SBF2: variants seen among roughly 807,000 people sequenced by gnomAD.
The protein encoded by SBF2 is myotubularin-related protein 13.
SBF2 carries 112 observed loss-of-function variants against 225.2 expected under a neutral mutation model. That is an observed-to-expected ratio of 0.50 (90% CI 0.43 to 0.58). SBF2 has a LOEUF of 0.58. Ranked by LOEUF, SBF2 falls within the 20% of genes least tolerant of loss-of-function variation. The probability of loss-of-function intolerance (pLI) is 0.00; values close to 1 mark genes in which losing one functional copy is unlikely to be tolerated. For synonymous variants in SBF2, 763 were observed against 773.3 expected, an observed-to-expected ratio of 0.99 and a Z score of 0.22; for missense variants, 1,996 against 2,206.2, an observed-to-expected ratio of 0.90 and a Z score of 1.91.
Position 9,962,034 on chromosome 11 carries a change from G to A in SBF2, c.1783C>T (p.His595Tyr). The change falls in exon 16 of 40, where the codon CAT becomes TAT. Residue 595 changes from histidine to tyrosine, a missense_variant. By Grantham distance (83) the His-to-Tyr change is moderately conservative. Transcript: ENST00000256190. ...RQCLTDELGL[H>Y]VQQNRAILDH... The stretch of plus-strand genomic sequence containing the variant: ...AATATTGCCCGGTTTTGCTGGACAT[G>A]CAAACCCAATTCATCAGTGAGACAC... 1.1e-5 allele frequency: 17 copies of A among 1,613,928 alleles called. No individual in the cohort carries two copies. Among genetic ancestry groups the A allele is most frequent in the Non-Finnish European group, 1.4e-5 (17 of 1,179,854 alleles).
At chr11:9,893,531 C>G (rs1328600125) in intron 17 of SBF2, among the ~76,000 whole-genome samples, 1 of 152,230 alleles carries the variant, frequency 6.6e-6, no homozygotes, top group Non-Finnish European at 1.5e-5. Context: ...CTCCTTCTTG[C>G]TCCTGTGGTA....
At chr11:9,949,409 A>G (rs916285700) in intron 16 of SBF2, among the ~76,000 whole-genome samples, 1 of 152,132 alleles carries the variant, frequency 6.6e-6, no homozygotes, top group Non-Finnish European at 1.5e-5. Context: ...AATGCATATA[A>G]AGTTTCTTCA....
chr11:10,058,865 A>G (rs1950340924), intron 2 of SBF2, among the ~76,000 whole-genome samples: 1 of 152,196 alleles, frequency 6.6e-6, no homozygotes, highest in Non-Finnish European at 1.5e-5. Context: ...CAACATTAAT[A>G]AAGAAAAAAA....
chr11:9,921,980 T>C (rs898251261), intron 16 of SBF2, among the ~76,000 whole-genome samples: 35 of 152,308 alleles, frequency 2.3e-4, no homozygotes, highest in African/African-American at 8.2e-4. Context: ...GCATGGTAGT[T>C]CATGTCTGTA....
At chr11:9,880,084 T>TGAA (rs1859622248) in intron 17 of SBF2, among the ~76,000 whole-genome samples, 1 of 51,994 alleles carries the variant, frequency 1.9e-5, no homozygotes, top group African/African-American at 7.6e-5. Flanking sequence ...CTCTGTCTCA[T>TGAA]AAAAAAAAAA....
At chr11:9,833,495 A>C (rs1209085201) in intron 26 of SBF2, among the ~76,000 whole-genome samples, 1 of 140,558 alleles carries the variant, frequency 7.1e-6, no homozygotes, top group African/African-American at 2.7e-5. Flanking sequence ...ATCTCGGCCC[A>C]TTGCAAGCTC....
intron 14 of SBF2, among the ~76,000 whole-genome samples, chr11:9,964,828 A>G (rs1014713307): frequency 3.9e-5 from 6 of 152,228 alleles, no homozygotes; most frequent in African/African-American, 1.4e-4. Flanking sequence ...TACTTTCACA[A>G]AGAACTATAC....
intron 16 of SBF2, among the ~76,000 whole-genome samples, chr11:9,918,888 G>A (rs1267955886): frequency 2.0e-5 from 3 of 151,904 alleles, no homozygotes. Context: ...ACAGGCGCCT[G>A]CCACCACGCC....
chr11:9,940,052 A>G (rs1565035036), intron 16 of SBF2, among the ~76,000 whole-genome samples: 1 of 152,082 alleles, frequency 6.6e-6, no homozygotes, highest in Non-Finnish European at 1.5e-5. Flanking sequence ...CATTACTATT[A>G]ATGATATTGT....
At chr11:10,203,284 G>A (rs1957632139) in intron 1 of SBF2, among the ~76,000 whole-genome samples, 2 of 152,168 alleles carry the variant, frequency 1.3e-5, no homozygotes, top group Admixed American at 1.3e-4. Context: ...AATCACACAA[G>A]GCCAGGGACT....
chr11:9,988,778 C>T (rs753731568), intron 13 of SBF2, among the ~76,000 whole-genome samples: 7 of 152,074 alleles, frequency 4.6e-5, no homozygotes, highest in Non-Finnish European at 8.8e-5. Flanking sequence ...GATGTGGTAA[C>T]AGGGAACACT....
intron 1 of SBF2, among the ~76,000 whole-genome samples, chr11:10,299,876 C>G (rs1410865989): frequency 2.0e-5 from 3 of 152,210 alleles, no homozygotes. Flanking sequence ...CATGTCTCTC[C>G]TGTCTTCAAA....
chr11:9,829,960 G>A (rs1287039723), intron 27 of SBF2, among the ~76,000 whole-genome samples: 1 of 152,210 alleles, frequency 6.6e-6, no homozygotes, highest in Non-Finnish European at 1.5e-5. Flanking sequence ...TCCAATACCA[G>A]CAACTTTATT....
At position 10,133,655 on chromosome 11, in the gene SBF2, G is replaced by A. The variant is rs572140336; in HGVS notation, c.141+60247C>T. Among the ~76,000 whole-genome samples the A allele has an allele frequency of 5.3e-5, 8 of 150,290 alleles. No individual in the cohort carries two copies. In the South Asian group the frequency reaches 8.5e-4, roughly 16 times the overall value. On this transcript the variant is annotated intron_variant, in intron 2 of 39. Transcript: ENST00000256190. ...GAACTCCAGCTGGCCCGCAAGTGCC[G>A]CACACAGCCCCGGTTCCCGCTCATG...
chr11:10,017,186 T>C (rs1438350167), intron 6 of SBF2, among the ~76,000 whole-genome samples: 2 of 152,220 alleles, frequency 1.3e-5, no homozygotes, highest in Non-Finnish European at 2.9e-5. Context: ...ATTTGTTTCT[T>C]TTTTGGGGAA....
intron 27 of SBF2, among the ~76,000 whole-genome samples, chr11:9,830,928 G>A (rs2403221): frequency 0.51 from 78,208 of 151,960 alleles, 22,731 homozygotes; most frequent in Non-Finnish European, 0.66. Flanking sequence ...TTAGTGATAC[G>A]CTTATCGGTG....
At chr11:9,919,892 C>T (rs1231897457) in intron 16 of SBF2, among the ~76,000 whole-genome samples, 1 of 151,932 alleles carries the variant, frequency 6.6e-6, no homozygotes, top group Non-Finnish European at 1.5e-5. Flanking sequence ...CCACCATGCC[C>T]GGCTAATTTT....
intron 1 of SBF2, among the ~76,000 whole-genome samples, chr11:10,235,558 T>A (rs1959037596): frequency 6.6e-6 from 1 of 151,564 alleles, no homozygotes; most frequent in Admixed American, 6.6e-5. Context: ...AAAACTCAAT[T>A]GAGAACCTTG....
At position 10,143,329 on chromosome 11, in the gene SBF2, C is replaced by T. The variant is rs534989650; in HGVS notation, c.141+50573G>A. Reference sequence around the variant, plus strand: ...TGGGACTACAGGTGTGCGCCCACTACGCCTGGCTAATTTTGTATTTTTAGT... The same window carrying T: ...TGGGACTACAGGTGTGCGCCCACTATGCCTGGCTAATTTTGTATTTTTAGT... On this transcript the variant is annotated intron_variant, in intron 2 of 39. Transcript: ENST00000256190. 2.5e-4 allele frequency among the ~76,000 whole-genome samples: 38 copies of T among 152,084 alleles called. No homozygotes were observed. In the East Asian group the frequency reaches 3.1e-3, roughly 12 times the overall value.
Sources: gnomAD v4.1 joint callset for allele counts (sites outside exome capture counted in the v4.1 genomes callset) on GRCh38, gnomAD v4.1.1 for gene constraint, MANE v1.5 for transcripts, NCBI Gene and HGNC (gene_info 2026-07-23, HGNC 2026-07-21) for gene names.